The following CXADR variants were observed in gnomAD, a reference collection of about 807,000 sequenced individuals.
CXADR encodes coxsackievirus and adenovirus receptor.
CXADR carries 20 observed loss-of-function variants against 40.3 expected under a neutral mutation model. The ratio of observed to expected loss-of-function variants is 0.50; its 90% CI spans 0.35 to 0.72. CXADR has a LOEUF of 0.72. CXADR is among the 30% of genes least tolerant of loss of function. The pLI is 0.01. For missense variants in CXADR, 332 were observed against 449.1 expected, an observed-to-expected ratio of 0.74 and a Z score of 2.36; for synonymous variants, 150 against 161.3, an observed-to-expected ratio of 0.93 and a Z score of 0.53.
Position 17,567,481 on chromosome 21 carries a change from G to A in CXADR, c.*1789G>A, listed in dbSNP as rs1445888303. On this transcript the variant is annotated 3_prime_UTR_variant, in exon 7 of 7. Coordinates refer to ENST00000284878, the MANE Select transcript of CXADR (RefSeq NM_001338.5). ...GCTAGCTATCACCTACCTGAAAGGT[G>A]CTTAGAGGTGAAGGTACTGTTTCTA... The A allele has an allele frequency of 1.0e-6, 1 of 985,230 alleles. No homozygotes were observed. Among genetic ancestry groups the A allele is most frequent in the Non-Finnish European group, 1.2e-6 (1 of 829,884 alleles). The allele number at this position is 985,230 out of a possible 1,614,324, so 61.0% of individuals were successfully genotyped here.
chr21:17,561,598 C>T lies in CXADR; in HGVS notation c.833+122C>T, dbSNP rs186357304. 3.2e-4 allele frequency: 252 copies of T among 780,418 alleles called. 1 individual carries two copies. In the African/African-American group the frequency reaches 4.1e-3, roughly 13 times the overall value. The allele number at this position is 780,418 out of a possible 1,614,324, so 48.3% of individuals were successfully genotyped here. A position where few individuals can be genotyped will look rare whatever the true frequency, so the allele number is the denominator to read the frequency against. ...TAGGAGAATGGGTAAAAGCTCTGGC[C>T]GCCTTCTCAATACATTTGAAAGCAT... is the stretch of plus-strand genomic sequence containing the variant. On this transcript the variant is annotated intron_variant, in intron 6 of 6. Coordinates refer to ENST00000284878, the MANE Select transcript of CXADR (RefSeq NM_001338.5).
At chr21:17,531,937 G>T (rs202143257) in intron 1 of CXADR, among the ~76,000 whole-genome samples, 4 of 140,924 alleles carry the variant, frequency 2.8e-5, no homozygotes, top group African/African-American at 5.2e-5. Context: ...TGTTTTTTGG[G>T]TTTTTTTTTT....
the CXADR span, among the ~76,000 whole-genome samples, chr21:17,617,492 G>A: frequency 7.2e-5 from 11 of 151,912 alleles, no homozygotes; most frequent in Non-Finnish European, 1.0e-4. Context: ...TAGGTATTCC[G>A]GCATACCTCG....
the CXADR span, among the ~76,000 whole-genome samples, chr21:17,616,887 A>T: frequency 6.6e-6 from 1 of 152,212 alleles, no homozygotes; most frequent in African/African-American, 2.4e-5. Flanking sequence ...TTAAATATCC[A>T]TAAAGCAGCA....
rs1310560519 is a variant in CXADR, at chr21:17,547,135, G to T, written c.152G>T (p.Gly51Val). 1 of 1,614,184 alleles carries T rather than the reference G, an allele frequency of 6.2e-7. No homozygotes were observed. The highest frequency in any genetic ancestry group is 1.7e-5 in the Admixed American group (1 of 60,024). ...CKFTLSPEDQ[G>V]PLDIEWLISP... ...TTTACGCTTAGTCCCGAAGACCAGG[G>T]ACCGCTGGACATCGAGTGGCTGATA... The change falls in exon 2 of 7, where the codon GGA becomes GTA. Residue 51 changes from glycine to valine, a missense_variant. Physicochemically the swap from Gly to Val is moderately radical, Grantham distance 109. This residue lies in a region of CXADR where 162 missense variants were observed against 198.5 expected (regional missense o/e 0.82). Transcript: ENST00000284878.
At chr21:17,546,570 T>A (rs1007297055) in intron 1 of CXADR, among the ~76,000 whole-genome samples, 4 of 152,072 alleles carry the variant, frequency 2.6e-5, no homozygotes, top group African/African-American at 9.7e-5. Context: ...GAGAACTCAC[T>A]CACTATCAGC....
At chr21:17,536,325 C>T (rs888014517) in intron 1 of CXADR, among the ~76,000 whole-genome samples, 1 of 152,136 alleles carries the variant, frequency 6.6e-6, no homozygotes, top group South Asian at 2.1e-4. Context: ...AATAAGTATC[C>T]TGTCTTTCCT....
intron 1 of CXADR, among the ~76,000 whole-genome samples, chr21:17,546,535 A>G (rs901389203): frequency 6.6e-6 from 1 of 152,174 alleles, no homozygotes; most frequent in African/African-American, 2.4e-5. Flanking sequence ...GAGGTGCTGC[A>G]CACTTTTAAA....
intron 3 of CXADR, among the ~76,000 whole-genome samples, chr21:17,555,222 GCA>G (rs2061019206): frequency 6.6e-6 from 1 of 152,178 alleles, no homozygotes; most frequent in South Asian, 2.1e-4. Flanking sequence ...AGCAGAACAT[GCA>G]CAGTTAACAA....
chr21:17,553,256 A>C (rs1280739697), intron 3 of CXADR, among the ~76,000 whole-genome samples: 2 of 151,878 alleles, frequency 1.3e-5, no homozygotes, highest in African/African-American at 4.8e-5. Context: ...ACACTTAACT[A>C]CTCCTCCTAC....
At chr21:17,518,347 C>T (rs778484720) in intron 1 of CXADR, among the ~76,000 whole-genome samples, 20 of 152,088 alleles carry the variant, frequency 1.3e-4, no homozygotes, top group Non-Finnish European at 1.9e-4. Flanking sequence ...AAAAAATATC[C>T]TGAGAGGAAG....
At chr21:17,573,190 C>T (rs1569148097), downstream of CXADR, among the ~76,000 whole-genome samples, 1 of 151,608 alleles carries the variant, frequency 6.6e-6, no homozygotes, top group Non-Finnish European at 1.5e-5. Flanking sequence ...TGTACATTTC[C>T]ATTTTTTTAA....
the CXADR span, among the ~76,000 whole-genome samples, chr21:17,620,763 C>T: frequency 5.9e-5 from 9 of 151,946 alleles, no homozygotes; most frequent in South Asian, 1.9e-3. Context: ...AATCAGGGTC[C>T]TCTAGAGTCA....
At chr21:17,516,231 A>G (rs1195880182) in intron 1 of CXADR, among the ~76,000 whole-genome samples, 1 of 152,176 alleles carries the variant, frequency 6.6e-6, no homozygotes, top group Non-Finnish European at 1.5e-5. Context: ...TCGTTATATA[A>G]TTAACTTGTG....
Position 17,563,834 on chromosome 21 carries a change from G to A in CXADR, c.834-1594G>A, listed in dbSNP as rs542794525. On this transcript the variant is annotated intron_variant, in intron 6 of 6. Coordinates refer to ENST00000284878, the MANE Select transcript of CXADR (RefSeq NM_001338.5). ...CGGGCGCCTGTAGTCCCAGCCACTC[G>A]GGAGGCTGAGGCAAGAGAATGGCGT... Among the ~76,000 whole-genome samples the A allele has an allele frequency of 1.7e-4, 26 of 149,044 alleles. 1 individual carries two copies. The South Asian group carries it at 3.0e-3, about 17-fold the overall frequency.
intron 1 of CXADR, among the ~76,000 whole-genome samples, chr21:17,531,472 G>A (rs2060675433): frequency 6.6e-6 from 1 of 151,966 alleles, no homozygotes; most frequent in African/African-American, 2.4e-5. Context: ...TGTAAAACTA[G>A]AGAAAATTAT....
chr21:17,607,100 A>AT, the CXADR span, among the ~76,000 whole-genome samples: 10 of 152,080 alleles, frequency 6.6e-5, no homozygotes, highest in African/African-American at 2.4e-4. Context: ...ACAACCCACT[A>AT]TTTTTTCTAC....
At chr21:17,565,227 G>C (rs911531592) in intron 6 of CXADR, among the ~76,000 whole-genome samples, 1 of 152,054 alleles carries the variant, frequency 6.6e-6, no homozygotes, top group Admixed American at 6.5e-5. Context: ...CAGAATGACA[G>C]ATTGGAGACA....
the CXADR span, among the ~76,000 whole-genome samples, chr21:17,599,283 G>T: frequency 0.012 from 1,757 of 150,750 alleles, 39 homozygotes; most frequent in African/African-American, 0.041. Context: ...TCAGGTGATC[G>T]ATCCTCCAAC....
Sources: gnomAD v4.1 joint callset for allele counts (sites outside exome capture counted in the v4.1 genomes callset) on GRCh38, gnomAD v4.1.1 for gene constraint, gnomAD v4.1.1 regional missense constraint, MANE v1.5 for transcripts, NCBI Gene and HGNC (gene_info 2026-07-23, HGNC 2026-07-21) for gene names.